ABHD6: variants seen among roughly 807,000 people sequenced by gnomAD.
The protein encoded by ABHD6 is abhydrolase domain containing 6, acylglycerol lipase, also known as monoacylglycerol lipase ABHD6.
Under a neutral mutation model 38.8 loss-of-function variants are expected in ABHD6, and 33 were observed. The observed-to-expected ratio is 0.85, with a 90% CI of 0.64 to 1.14. The LOEUF is 1.14. ABHD6 is among the 50% of genes most tolerant of loss of function. The pLI is 0.00. For missense variants in ABHD6, 380 were observed against 422.6 expected (o/e 0.90, Z 0.88); for synonymous variants, 147 against 161.6 (o/e 0.91, Z 0.69).
intron 9 of ABHD6, among the ~76,000 whole-genome samples, chr3:58,291,845 G>C (rs2097463278): frequency 6.6e-6 from 1 of 152,298 alleles, no homozygotes; most frequent in Admixed American, 6.5e-5. Context: ...CTACCTGGGG[G>C]GCACTGAGGT....
At chr3:58,291,824 T>C (rs1346425814) in intron 9 of ABHD6, among the ~76,000 whole-genome samples, 4 of 152,188 alleles carry the variant, frequency 2.6e-5, no homozygotes, top group Admixed American at 2.0e-4. Context: ...GGTGCGTACC[T>C]GTCATCCCAG....
In ABHD6 at chr3:58,251,754, G is replaced by A. The variant is rs1019206727; in HGVS notation, c.-26+1812G>A. On this transcript the variant is annotated intron_variant, in intron 2 of 9. Coordinates refer to ENST00000478253, the MANE Select transcript of ABHD6 (RefSeq NM_001320126.2). This position sits in a 1 kb window ranked among gnomAD's most constrained non-coding sequence, Gnocchi z 5.4. ...GGCATTGCCTGCTTCACACTGTGCC[G>A]CAGTGTCTTTAACCCTGGGGTGCCT... 7.2e-5 allele frequency among the ~76,000 whole-genome samples: 11 copies of A among 152,132 alleles called. No individual in the cohort carries two copies. Among genetic ancestry groups the A allele is most frequent in the Admixed American group, 1.3e-4 (2 of 15,262 alleles).
At chr3:58,272,254 C>A (rs2097445568) in intron 6 of ABHD6, among the ~76,000 whole-genome samples, 1 of 152,106 alleles carries the variant, frequency 6.6e-6, no homozygotes, top group Admixed American at 6.6e-5. Flanking sequence ...AACGTTGAGG[C>A]ACAGAGAAAT....
intron 2 of ABHD6, among the ~76,000 whole-genome samples, chr3:58,254,718 A>G (rs2097432053): frequency 6.6e-6 from 1 of 152,084 alleles, no homozygotes; most frequent in Non-Finnish European, 1.5e-5. Context: ...GCAGAGGGCC[A>G]CGCCTGGCTT....
intron 2 of ABHD6, among the ~76,000 whole-genome samples, chr3:58,253,861 C>A (rs893897059): frequency 1.2e-4 from 18 of 152,172 alleles, no homozygotes; most frequent in African/African-American, 4.3e-4. Flanking sequence ...GCTTTCATCA[C>A]TGTAGACTCA....
chr3:58,285,883 G>T lies in ABHD6; in HGVS notation c.837+430G>T, dbSNP rs2097456514. Among the ~76,000 whole-genome samples, 1 of 152,110 alleles carries T rather than the reference G, an allele frequency of 6.6e-6. No homozygotes were observed. The highest frequency in any genetic ancestry group is 6.5e-5 in the Admixed American group (1 of 15,284). On this transcript the variant is annotated intron_variant, in intron 9 of 9. Transcript: ENST00000478253. The surrounding 1 kb of genome is among the most constrained non-coding windows in gnomAD (Gnocchi z 4.9). ...GACGGAGTCTTGCTCTGTCACCCAG[G>T]CTGGAGTGCAGTGGCCCAATCTTGG...
rs147716720 is a variant in ABHD6 at position 58,263,156 on chromosome 3, C to T, written c.120-4033C>T. On this transcript the variant is annotated intron_variant, in intron 3 of 9. Coordinates refer to ENST00000478253, the MANE Select transcript of ABHD6 (RefSeq NM_001320126.2). The surrounding 1 kb of genome is among the most constrained non-coding windows in gnomAD (Gnocchi z 4.9). ...GCAGAAGGTGGAGGTTGCAGTGAGC[C>T]GAGATCATGCCACTGCATTCCAGCC... 5.3e-3 allele frequency among the ~76,000 whole-genome samples: 804 copies of T among 151,406 alleles called. 9 individuals carry two copies. Among genetic ancestry groups the T allele is most frequent in the Middle Eastern group, 0.041 (12 of 294 alleles).
intron 9 of ABHD6, among the ~76,000 whole-genome samples, chr3:58,289,589 ATCTT>A (rs1402628965): frequency 2.6e-5 from 4 of 152,142 alleles, no homozygotes; most frequent in Admixed American, 2.0e-4. Flanking sequence ...AGGCAGAAGA[ATCTT>A]TCTTAGTACA....
rs1007360616 is a variant in ABHD6 at position 58,266,594 on chromosome 3, T to G, written c.120-595T>G. Among the ~76,000 whole-genome samples the G allele has an allele frequency of 6.6e-6, 1 of 152,228 alleles. No homozygotes were observed. On this transcript the variant is annotated intron_variant, in intron 3 of 9. Coordinates refer to ENST00000478253, the MANE Select transcript of ABHD6 (RefSeq NM_001320126.2). The surrounding 1 kb of genome is among the most constrained non-coding windows in gnomAD (Gnocchi z 4.0). ...GACCAGTCAGTTTAGGTTATTTGCTTTTGCAAGACTTGGCTACTTCTTTAG... is the reference window on the plus strand; with the variant it reads ...GACCAGTCAGTTTAGGTTATTTGCTGTTGCAAGACTTGGCTACTTCTTTAG...
chr3:58,249,641 C>T (rs1461376071), intron 1 of ABHD6, among the ~76,000 whole-genome samples: 1 of 152,206 alleles, frequency 6.6e-6, no homozygotes, highest in Non-Finnish European at 1.5e-5. Flanking sequence ...CTTCCTAGTC[C>T]TGGCTCATTA....
intron 1 of ABHD6, among the ~76,000 whole-genome samples, chr3:58,246,976 A>G (rs1466920457): frequency 6.6e-6 from 1 of 151,408 alleles, no homozygotes; most frequent in African/African-American, 2.4e-5. Context: ...TCCAGCATTC[A>G]CATTTGTATT....
At chr3:58,291,262 C>T (rs2097462676) in intron 9 of ABHD6, among the ~76,000 whole-genome samples, 1 of 151,386 alleles carries the variant, frequency 6.6e-6, no homozygotes, top group Admixed American at 6.6e-5. Flanking sequence ...CCTGCAATCG[C>T]AGGCACTCGG....
chr3:58,258,418 A>C (rs2097434795), intron 3 of ABHD6: 1 of 428,338 alleles, frequency 2.3e-6, no homozygotes, highest in South Asian at 1.6e-5. Context: ...GCAGCGTGAA[A>C]GATGTAGCAG....
chr3:58,277,206 G>A (rs972237468), intron 7 of ABHD6, among the ~76,000 whole-genome samples: 8 of 152,028 alleles, frequency 5.3e-5, no homozygotes, highest in Admixed American at 1.3e-4. Flanking sequence ...TACCTTGGGC[G>A]GTATGGCCAT....
In ABHD6 at chr3:58,293,171, C is replaced by A. The variant is rs746402724; in HGVS notation, c.838-418C>A. On this transcript the variant is annotated intron_variant, in intron 9 of 9. Coordinates refer to ENST00000478253, the MANE Select transcript of ABHD6 (RefSeq NM_001320126.2). The surrounding 1 kb of genome is among the most constrained non-coding windows in gnomAD (Gnocchi z 4.4). ...CGTGCTCCTTGGTGGCCCCTGCACT[C>A]GCCATGATCTCCCACCCTGTGCCAT... 9.9e-5 allele frequency among the ~76,000 whole-genome samples: 15 copies of A among 152,092 alleles called. No homozygotes were observed. The highest frequency in any genetic ancestry group is 3.6e-4 in the African/African-American group (15 of 41,414).
Position 58,293,717 on chromosome 3 carries a change from C to T in ABHD6, c.966C>T (p.Asp322=). Residue 322 remains aspartate, a synonymous_variant, in exon 10 of 10, where the codon GAC becomes GAT. Transcript: ENST00000478253. This position sits in a 1 kb window ranked among gnomAD's most constrained non-coding sequence, Gnocchi z 4.4. The part of the protein sequence containing the change: ...RPRKTAKLII[D]FLASVHNTDN... ...GGAAGACAGCCAAGCTCATAATCGA[C>T]TTTTTAGCTTCTGTGCACAACACAG... The T allele has an allele frequency of 1.2e-6, 2 of 1,614,234 alleles. No homozygotes were observed. The highest frequency in any genetic ancestry group is 1.7e-6 in the Non-Finnish European group (2 of 1,180,032).
intron 9 of ABHD6, among the ~76,000 whole-genome samples, chr3:58,292,078 C>T (rs2097463552): frequency 6.6e-6 from 1 of 152,344 alleles, no homozygotes; most frequent in Non-Finnish European, 1.5e-5. Flanking sequence ...CAGTGGGTTG[C>T]CGTGGCAGCC....
chr3:58,258,564 T>C (rs1388142650), intron 3 of ABHD6: 10 of 309,676 alleles, frequency 3.2e-5, no homozygotes, highest in South Asian at 2.3e-4. Flanking sequence ...CCCACCCCCA[T>C]GGTGTACATC....
intron 7 of ABHD6, among the ~76,000 whole-genome samples, chr3:58,278,824 G>T (rs1451304962): frequency 6.6e-6 from 1 of 152,312 alleles, no homozygotes; most frequent in African/African-American, 2.4e-5. Context: ...TGGTTTCAAA[G>T]AACATCTTTA....
Sources: gnomAD v4.1 joint callset for allele counts (sites outside exome capture counted in the v4.1 genomes callset) on GRCh38, gnomAD v4.1.1 for gene constraint, Gnocchi (gnomAD v3.1) non-coding constraint, MANE v1.5 for transcripts, NCBI Gene and HGNC (gene_info 2026-07-23, HGNC 2026-07-21) for gene names.